Variants in PDE1C observed in about 807,000 individuals in gnomAD.
PDE1C encodes the protein dual specificity calcium/calmodulin-dependent 3',5'-cyclic nucleotide phosphodiesterase 1C.
In PDE1C, 62 loss-of-function variants were observed where a neutral mutation model predicts 93.1. The observed-to-expected ratio is 0.67, with a 90% CI of 0.54 to 0.82. PDE1C has a LOEUF of 0.82. PDE1C is among the 40% of genes least tolerant of loss of function. PDE1C has a pLI of 0.00. For synonymous variants in PDE1C, 325 were observed against 310.1 expected (o/e 1.05, Z -0.50); for missense variants, 742 against 884.6 (o/e 0.84, Z 2.04).
chr7:31,916,860 C>T (rs1343403096), intron 2 of PDE1C, among the ~76,000 whole-genome samples: 1 of 152,188 alleles, frequency 6.6e-6, no homozygotes, highest in Non-Finnish European at 1.5e-5. Context: ...ATTGGCACCC[C>T]TTTCTGGAGG....
chr7:32,395,637 G>T (rs1784828539), intron 1 of PDE1C, among the ~76,000 whole-genome samples: 1 of 152,094 alleles, frequency 6.6e-6, no homozygotes, highest in Non-Finnish European at 1.5e-5. Context: ...AAAACCTGGG[G>T]TAAGGCTATA....
At chr7:32,406,933 C>T (rs752389638) in intron 1 of PDE1C, among the ~76,000 whole-genome samples, 141 of 152,158 alleles carry the variant, frequency 9.3e-4, no homozygotes, top group African/African-American at 3.2e-3. Context: ...AAGGGAGTCA[C>T]TTCCTCACCC....
intron 3 of PDE1C, among the ~76,000 whole-genome samples, chr7:32,109,159 T>C (rs145872105): frequency 4.6e-5 from 7 of 152,260 alleles, no homozygotes; most frequent in Middle Eastern, 3.4e-3. Context: ...AATGTACTCA[T>C]ATTTATGACA....
intron 1 of PDE1C, among the ~76,000 whole-genome samples, chr7:32,404,378 GAGAA>G (rs1244086418): frequency 6.6e-6 from 1 of 152,112 alleles, no homozygotes; most frequent in African/African-American, 2.4e-5. Context: ...TTTGGTTTTT[GAGAA>G]AGAGTCTGTC....
At chr7:32,199,452 G>A (rs972050661) in intron 2 of PDE1C, among the ~76,000 whole-genome samples, 1 of 152,098 alleles carries the variant, frequency 6.6e-6, no homozygotes, top group Non-Finnish European at 1.5e-5. Flanking sequence ...CTTCCGCAGT[G>A]TTTGACCATT....
intron 3 of PDE1C, among the ~76,000 whole-genome samples, chr7:32,121,833 A>T (rs1000101438): frequency 1.3e-5 from 2 of 152,186 alleles, no homozygotes; most frequent in African/African-American, 4.8e-5. Context: ...AAATAACCAG[A>T]TATCATCATG....
At chr7:32,110,971 G>C (rs1163709341) in intron 3 of PDE1C, among the ~76,000 whole-genome samples, 1 of 152,120 alleles carries the variant, frequency 6.6e-6, no homozygotes, top group Non-Finnish European at 1.5e-5. Flanking sequence ...GGAGGCAGTG[G>C]ACTGACACAA....
intron 9 of PDE1C, among the ~76,000 whole-genome samples, chr7:31,842,238 T>A (rs1232834585): frequency 6.6e-6 from 1 of 152,156 alleles, no homozygotes. Context: ...GCTATGTTCA[T>A]AAAATACATT....
chr7:31,823,733 T>C (rs939996360), intron 13 of PDE1C, among the ~76,000 whole-genome samples: 2 of 152,124 alleles, frequency 1.3e-5, no homozygotes, highest in Admixed American at 6.6e-5. Context: ...GGGGAAGTGA[T>C]AATTTCCTTA....
intron 1 of PDE1C, among the ~76,000 whole-genome samples, chr7:32,358,283 C>T (rs549292056): frequency 2.4e-4 from 36 of 152,304 alleles, no homozygotes; most frequent in African/African-American, 8.7e-4. Flanking sequence ...CCCCGACAGG[C>T]ATGTTTGTTC....
At chr7:31,896,703 T>C (rs1394263138) in intron 2 of PDE1C, among the ~76,000 whole-genome samples, 2 of 152,222 alleles carry the variant, frequency 1.3e-5, no homozygotes, top group African/African-American at 4.8e-5. Context: ...GAATATTTTT[T>C]AAAGTACAGA....
intron 2 of PDE1C, among the ~76,000 whole-genome samples, chr7:32,048,125 C>A (rs557420078): frequency 6.6e-6 from 1 of 152,292 alleles, no homozygotes; most frequent in African/African-American, 2.4e-5. Context: ...AATGAGGAAT[C>A]CACCTACTCC....
chr7:31,634,024 T>C, the PDE1C span, among the ~76,000 whole-genome samples: 1 of 152,194 alleles, frequency 6.6e-6, no homozygotes, highest in Non-Finnish European at 1.5e-5. Flanking sequence ...AGGTTGACTT[T>C]TCTTACTAAT....
chr7:32,290,449 T>C (rs1280488579), intron 1 of PDE1C, among the ~76,000 whole-genome samples: 3 of 152,142 alleles, frequency 2.0e-5, no homozygotes, highest in Non-Finnish European at 4.4e-5. Flanking sequence ...AACAGGCACC[T>C]AGAGCACACT....
At chr7:31,993,230 G>T (rs1485525966) in intron 2 of PDE1C, among the ~76,000 whole-genome samples, 1 of 152,108 alleles carries the variant, frequency 6.6e-6, no homozygotes, top group Non-Finnish European at 1.5e-5. Flanking sequence ...TGATCATAAC[G>T]CTACCATTCC....
At chr7:31,866,936 T>C (rs939465106) in intron 6 of PDE1C, among the ~76,000 whole-genome samples, 15 of 151,994 alleles carry the variant, frequency 9.9e-5, no homozygotes, top group Non-Finnish European at 2.2e-4. Flanking sequence ...CATGAAGACA[T>C]TGCTCCATAC....
intron 1 of PDE1C, among the ~76,000 whole-genome samples, chr7:32,328,859 T>C (rs188374518): frequency 4.6e-4 from 70 of 152,234 alleles, no homozygotes; most frequent in Non-Finnish European, 7.2e-4. Context: ...GGCAAGGACA[T>C]GGCCTTCTTG....
At chr7:32,148,849 A>G (rs1313673077) in intron 3 of PDE1C, among the ~76,000 whole-genome samples, 1 of 152,194 alleles carries the variant, frequency 6.6e-6, no homozygotes, top group Non-Finnish European at 1.5e-5. Context: ...GCCACTTTGC[A>G]TATATGACAA....
the PDE1C span, among the ~76,000 whole-genome samples, chr7:31,736,338 A>G: frequency 6.6e-6 from 1 of 152,300 alleles, no homozygotes; most frequent in East Asian, 1.9e-4. Flanking sequence ...AGCCCGAATA[A>G]TCCTGCCTAA....
Sources: gnomAD v4.1 joint callset for allele counts (sites outside exome capture counted in the v4.1 genomes callset) on GRCh38, gnomAD v4.1.1 for gene constraint, MANE v1.5 for transcripts, NCBI Gene and HGNC (gene_info 2026-07-23, HGNC 2026-07-21) for gene names.